Variants in RNF170 observed in about 807,000 individuals in gnomAD.
RNF170 encodes the protein ring finger protein 170.
RNF170 carries 12 observed loss-of-function variants against 32.7 expected under a neutral mutation model. The observed-to-expected ratio is 0.37, with a 90% confidence interval of 0.24 to 0.60. The LOEUF (loss-of-function observed/expected upper bound fraction) is 0.60. RNF170 is among the 20% of genes least tolerant of loss of function. The pLI, the probability that RNF170 is intolerant of heterozygous loss-of-function variation, is 0.72. For synonymous variants in RNF170, 91 were observed against 103.6 expected (o/e 0.88, Z 0.74); for missense variants, 212 against 311.2 (o/e 0.68, Z 2.40).
chr8:42,882,975 A>C (rs1025946393), intron 2 of RNF170, among the ~76,000 whole-genome samples: 2 of 152,012 alleles, frequency 1.3e-5, no homozygotes, highest in African/African-American at 4.8e-5. Context: ...AGGCGAGAGG[A>C]TCATTTGAGC....
At chr8:42,866,186 C>T (rs1004043199) in intron 4 of RNF170, among the ~76,000 whole-genome samples, 1 of 152,082 alleles carries the variant, frequency 6.6e-6, no homozygotes, top group Non-Finnish European at 1.5e-5. Context: ...TGTTACAAAA[C>T]ACAACTTTTA....
At chr8:42,852,002 A>T (rs1802953905), downstream of RNF170, among the ~76,000 whole-genome samples, 1 of 152,232 alleles carries the variant, frequency 6.6e-6, no homozygotes, top group Non-Finnish European at 1.5e-5. Context: ...AATAAAAAGA[A>T]GGGAGCTATT....
intron 1 of RNF170, among the ~76,000 whole-genome samples, chr8:42,892,538 G>A (rs1348130991): frequency 6.6e-6 from 1 of 152,120 alleles, no homozygotes; most frequent in Non-Finnish European, 1.5e-5. Flanking sequence ...AGAATATGTA[G>A]ATACTGTGCT....
chr8:42,865,264 T>A (rs536059548), intron 5 of RNF170, 152 bp downstream of exon 5: 276 of 337,334 alleles, frequency 8.2e-4, no homozygotes, highest in East Asian at 8.8e-4. Flanking sequence ...AAAATAAAAA[T>A]AATAATAATA....
At chr8:42,883,191 T>C (rs186625014) in intron 2 of RNF170, among the ~76,000 whole-genome samples, 1 of 152,126 alleles carries the variant, frequency 6.6e-6, no homozygotes, top group South Asian at 2.1e-4. Flanking sequence ...ATACTACCTA[T>C]TGAGTACAGT....
intron 2 of RNF170, among the ~76,000 whole-genome samples, chr8:42,886,284 C>T (rs982038090): frequency 6.6e-6 from 1 of 151,944 alleles, no homozygotes; most frequent in African/African-American, 2.4e-5. Context: ...CAGCAATATA[C>T]AATGTCCTTC....
chr8:42,861,681 T>C (rs1245255338), intron 6 of RNF170, 64 bp downstream of exon 6: 6 of 1,285,586 alleles, frequency 4.7e-6, no homozygotes, highest in Non-Finnish European at 6.8e-6. Context: ...TTGGTAAACC[T>C]CACTTTACAA....
At chr8:42,887,527 AATT>A (rs1422764414) in intron 2 of RNF170, among the ~76,000 whole-genome samples, 198 bp downstream of exon 2, 2 of 152,238 alleles carry the variant, frequency 1.3e-5, no homozygotes, top group Non-Finnish European at 2.9e-5. Flanking sequence ...TGATAAATTT[AATT>A]ATTATTTGGT....
intron 2 of RNF170, among the ~76,000 whole-genome samples, chr8:42,880,237 T>C (rs925539335): frequency 3.9e-5 from 6 of 152,204 alleles, no homozygotes; most frequent in Admixed American, 2.0e-4. Context: ...TTTCTCAAGA[T>C]AGAATCTAAT....
rs1183875952 is a variant in RNF170 at position 42,854,471 on chromosome 8, A to C, written c.*1688T>G. On this transcript the variant is annotated 3_prime_UTR_variant, in exon 7 of 7. Coordinates refer to ENST00000527424, the MANE Select transcript of RNF170 (RefSeq NM_030954.4). The stretch of plus-strand genomic sequence containing the variant: ...TCCTCACAAAATTATCCAAAGGATA[A>C]AATGAAAAGTATGTGAGAAACCTGC... The C allele has an allele frequency of 2.3e-6, 3 of 1,286,838 alleles. No individual in the cohort carries two copies. The highest frequency in any genetic ancestry group is 1.2e-5 in the South Asian group (1 of 80,930). 79.7% of individuals were successfully genotyped at this position (1,286,838 alleles called of 1,614,324 possible).
chr8:42,872,769 T>C (rs2128936800), intron 3 of RNF170, among the ~76,000 whole-genome samples: 1 of 152,142 alleles, frequency 6.6e-6, no homozygotes, highest in African/African-American at 2.4e-5. Flanking sequence ...TATCAATAAA[T>C]ATAAGTTCCA....
At chr8:42,889,831 G>A (rs985340166) in intron 1 of RNF170, among the ~76,000 whole-genome samples, 3 of 152,122 alleles carry the variant, frequency 2.0e-5, no homozygotes, top group African/African-American at 2.4e-5. Flanking sequence ...GGTGGGCCAC[G>A]GAGTCAATTT....
At chr8:42,894,041 C>A (rs1806532323) in intron 1 of RNF170, among the ~76,000 whole-genome samples, 1 of 152,150 alleles carries the variant, frequency 6.6e-6, no homozygotes, top group Non-Finnish European at 1.5e-5. Context: ...CCGGGACTTC[C>A]TGGAACAAAG....
In RNF170 at chr8:42,861,742, T is replaced by C; in HGVS notation, c.507+3A>G. The C allele has an allele frequency of 6.3e-7, 1 of 1,599,394 alleles. No homozygotes were observed. The highest frequency in any genetic ancestry group is 8.6e-7 in the Non-Finnish European group (1 of 1,166,720). On this transcript the variant is annotated splice_donor_region_variant and intron_variant, in intron 6 of 6. Coordinates refer to ENST00000527424, the MANE Select transcript of RNF170 (RefSeq NM_030954.4). ...ACTTTGAACATGCTTTAGCATTACTTACAGATCTGGGTTGCCCTGAGAATC... is the reference window on the plus strand; with the variant it reads ...ACTTTGAACATGCTTTAGCATTACTCACAGATCTGGGTTGCCCTGAGAATC...
At chr8:42,859,109 A>C (rs980098227) in intron 6 of RNF170, among the ~76,000 whole-genome samples, 2 of 152,038 alleles carry the variant, frequency 1.3e-5, no homozygotes, top group African/African-American at 4.8e-5. Context: ...GCTTGAGCCC[A>C]GGAGGCAAAC....
chr8:42,868,847 A>C (rs1804313974), intron 4 of RNF170, among the ~76,000 whole-genome samples: 1 of 147,000 alleles, frequency 6.8e-6, no homozygotes, highest in African/African-American at 2.6e-5. Context: ...GCGAGACTGC[A>C]TTTCAAAAAA....
At chr8:42,864,160 C>A (rs983796848) in intron 5 of RNF170, among the ~76,000 whole-genome samples, 1 of 151,472 alleles carries the variant, frequency 6.6e-6, no homozygotes, top group Non-Finnish European at 1.5e-5. Context: ...GTCCCATGAT[C>A]ATAGCTCATT....
intron 2 of RNF170, among the ~76,000 whole-genome samples, chr8:42,886,702 C>T (rs185733793): frequency 3.3e-5 from 5 of 152,094 alleles, no homozygotes; most frequent in African/African-American, 1.2e-4. Flanking sequence ...GCTGGGATTA[C>T]CGGCGTGAGC....
chr8:42,896,415 C>A, intron 1 of RNF170, 69 bp downstream of exon 1: 1 of 451,680 alleles, frequency 2.2e-6, no homozygotes, highest in Non-Finnish European at 4.4e-6. Flanking sequence ...CCCAAGAAGG[C>A]CAGACCCCGC....
Sources: allele counts gnomAD v4.1 joint callset (sites outside exome capture counted in the v4.1 genomes callset), GRCh38; gene constraint gnomAD v4.1.1; transcripts MANE v1.5; gene names NCBI Gene and HGNC (gene_info 2026-07-23, HGNC 2026-07-21).